The following DNAH17 variants were observed in gnomAD, a reference collection of about 807,000 sequenced individuals.
DNAH17 encodes the protein dynein axonemal heavy chain 17, also known as axonemal beta dynein heavy chain 17.
DNAH17 carries 376 observed loss-of-function variants against 485.6 expected under a neutral mutation model. That is an observed-to-expected ratio of 0.77 (90% confidence interval 0.71 to 0.84). DNAH17 has a LOEUF of 0.84. Ranked by LOEUF, DNAH17 falls within the 40% of genes least tolerant of loss-of-function variation. DNAH17 has a pLI of 0.00. For missense variants in DNAH17, 6,370 were observed against 5,839.3 expected (o/e 1.09, Z -2.96); for synonymous variants, 3,031 against 2,405.9 (o/e 1.26, Z -7.60).
chr17:78,491,939 C>T (rs766862747), intron 42 of DNAH17, among the ~76,000 whole-genome samples: 1 of 152,160 alleles, frequency 6.6e-6, no homozygotes, highest in South Asian at 2.1e-4. Context: ...CTGCGGAGCA[C>T]GCTTCATGCG....
chr17:78,465,228 AG>A (rs1269999535), intron 56 of DNAH17, among the ~76,000 whole-genome samples: 4 of 152,064 alleles, frequency 2.6e-5, no homozygotes, highest in African/African-American at 9.7e-5. Context: ...TCATTCACTC[AG>A]TGCTCAATGG....
intron 71 of DNAH17, among the ~76,000 whole-genome samples, chr17:78,442,626 T>C (rs917888818): frequency 6.6e-6 from 1 of 151,524 alleles, no homozygotes; most frequent in African/African-American, 2.4e-5. Context: ...TGCAGAAGCA[T>C]GCAGGCTGGG....
At position 78,491,478 on chromosome 17, in the gene DNAH17, T is replaced by A. The variant is rs2089853013; in HGVS notation, c.6634A>T (p.Ile2212Phe). The A allele has an allele frequency of 6.2e-7, 1 of 1,613,388 alleles. No individual in the cohort carries two copies. ...ILDGDIDPMWIESLNTVMDDN... is the reference protein window; with the variant it reads ...ILDGDIDPMWFESLNTVMDDN... The stretch of plus-strand genomic sequence containing the variant: ...TCCATGACTGTGTTGAGAGACTCGA[T>A]CCACATGGGGTCTATGTCTCCGTCA... Residue 2212 changes from isoleucine to phenylalanine, a missense_variant, in exon 43 of 81, where the codon ATC becomes TTC. Coordinates refer to ENST00000389840, the MANE Select transcript of DNAH17 (RefSeq NM_173628.4).
chr17:78,564,247 C>T (rs1222346614), intron 11 of DNAH17, among the ~76,000 whole-genome samples: 1 of 152,216 alleles, frequency 6.6e-6, no homozygotes, highest in Non-Finnish European at 1.5e-5. Flanking sequence ...GACCCGTACG[C>T]TGGTCCTTAT....
intron 34 of DNAH17, 93 bp downstream of exon 34, chr17:78,501,649 G>A: frequency 1.3e-6 from 2 of 1,503,812 alleles, no homozygotes; most frequent in Admixed American, 3.9e-5. Context: ...CCCAGGAAGA[G>A]GAAGTGGCAG....
At chr17:78,431,920 CT>C (rs1240111661) in intron 75 of DNAH17, among the ~76,000 whole-genome samples, 3 of 152,132 alleles carry the variant, frequency 2.0e-5, no homozygotes, top group Non-Finnish European at 4.4e-5. Context: ...GCCTGTAATC[CT>C]AGCACTTTGG....
At chr17:78,488,714 T>G (rs78745263) in intron 44 of DNAH17, among the ~76,000 whole-genome samples, 4,955 of 152,234 alleles carry the variant, frequency 0.033, 112 homozygotes, top group South Asian at 0.073. Flanking sequence ...GCAGATGTCA[T>G]CAAGGATCTT....
At chr17:78,492,296 G>A (rs1006506100) in intron 42 of DNAH17, among the ~76,000 whole-genome samples, 13 of 150,626 alleles carry the variant, frequency 8.6e-5, no homozygotes, top group African/African-American at 2.9e-4. Context: ...AGGGCTCCCC[G>A]GGCAGCCTCC....
At chr17:78,521,768 C>T (rs1382350938) in intron 25 of DNAH17, among the ~76,000 whole-genome samples, 1 of 152,138 alleles carries the variant, frequency 6.6e-6, no homozygotes, top group Admixed American at 6.5e-5. Flanking sequence ...GGGCGCATTG[C>T]CTGAGCTTAG....
Position 78,491,530 on chromosome 17 carries a change from G to A in DNAH17, c.6582C>T (p.Thr2194=). 3 of 1,614,028 alleles carry A rather than the reference G, an allele frequency of 1.9e-6. No homozygotes were observed. Among genetic ancestry groups the A allele is most frequent in the Middle Eastern group, 3.3e-4 (2 of 6,060 alleles). The change falls in exon 43 of 81, where the codon ACC becomes ACT. Residue 2194 remains threonine, a synonymous_variant. Transcript: ENST00000389840. Reference sequence around the variant, plus strand: ...GGATGATCCACTTGGGGCCGTCATGGGTGATGTTGGCCAGGTCTCGCATGA... The same window carrying A: ...GGATGATCCACTTGGGGCCGTCATGAGTGATGTTGGCCAGGTCTCGCATGA... ...STIMRDLANI[T]HDGPKWIILD...
chr17:78,481,165 T>G (rs1476324598), intron 48 of DNAH17, among the ~76,000 whole-genome samples: 3 of 146,564 alleles, frequency 2.0e-5, no homozygotes, highest in Non-Finnish European at 4.5e-5. Flanking sequence ...TGCAGTGGCA[T>G]GATCTTGGCT....
Position 78,543,919 on chromosome 17 carries a change from T to C in DNAH17, c.2470A>G (p.Asn824Asp), listed in dbSNP as rs1333330989. 1.2e-6 allele frequency: 2 copies of C among 1,614,072 alleles called. No homozygotes were observed. The highest frequency in any genetic ancestry group is 3.3e-5 in the Admixed American group (2 of 60,026). Residue 824 changes from asparagine (N) to aspartate (D), a missense_variant, in exon 17 of 81, where the codon AAC becomes GAC. Transcript: ENST00000389840. ...ACTGCTGCGTAGCGCTTGTTGAGGT[T>C]GGCAATTCTTCCATCCAAGTCTAAC... ...ALLDLDGRIANLNKRYAAVRD... is the reference protein window; with the variant it reads ...ALLDLDGRIADLNKRYAAVRD...
chr17:78,538,946 T>C (rs1210732847), intron 18 of DNAH17, among the ~76,000 whole-genome samples: 1 of 152,140 alleles, frequency 6.6e-6, no homozygotes, highest in Admixed American at 6.5e-5. Context: ...ACAAAAAAGA[T>C]GCAGGGCTGG....
At chr17:78,485,170 C>T (rs2146643993) in intron 47 of DNAH17, 137 bp from the exon 48 acceptor site, 1 of 1,187,082 alleles carries the variant, frequency 8.4e-7, no homozygotes, top group Non-Finnish European at 1.1e-6. Flanking sequence ...AAGGTACCTG[C>T]CCTGGGAGTG....
At chr17:78,427,680 A>G (rs191084342) in intron 77 of DNAH17, among the ~76,000 whole-genome samples, 8 of 152,352 alleles carry the variant, frequency 5.3e-5, no homozygotes, top group Admixed American at 3.9e-4. Flanking sequence ...ACATTCTATT[A>G]AGAAGTACAG....
At chr17:78,447,190 G>A (rs951116735) in intron 69 of DNAH17, among the ~76,000 whole-genome samples, 1 of 152,192 alleles carries the variant, frequency 6.6e-6, no homozygotes, top group Non-Finnish European at 1.5e-5. Context: ...ACCTCCCAAA[G>A]TGTTGGGATA....
chr17:78,450,076 G>A, intron 68 of DNAH17, 178 bp downstream of exon 68: 1 of 674,128 alleles, frequency 1.5e-6, no homozygotes, highest in Admixed American at 2.8e-5. Flanking sequence ...AATGGGTGTA[G>A]GACTGATGGG....
At chr17:78,465,498 CGG>C (rs2088384515) in intron 56 of DNAH17, among the ~76,000 whole-genome samples, 2 of 21,048 alleles carry the variant, frequency 9.5e-5, no homozygotes, top group Non-Finnish European at 5.1e-4. Context: ...CACCTCTTCC[CGG>C]CCGCCATCAC....
At chr17:78,462,135 G>A (rs1355897087) in intron 57 of DNAH17, among the ~76,000 whole-genome samples, 4 of 152,074 alleles carry the variant, frequency 2.6e-5, no homozygotes, top group Non-Finnish European at 4.4e-5. Flanking sequence ...TCGCACCACT[G>A]CATCCCAGCT....
Sources: gnomAD v4.1 joint callset for allele counts (sites outside exome capture counted in the v4.1 genomes callset) on GRCh38, gnomAD v4.1.1 for gene constraint, MANE v1.5 for transcripts, NCBI Gene and HGNC (gene_info 2026-07-23, HGNC 2026-07-21) for gene names.